Variants in SLC5A10 observed in about 807,000 individuals in gnomAD.
SLC5A10 encodes the protein sodium/mannose cotransporter SLC5A10.
Under a neutral mutation model 68.9 loss-of-function variants are expected in SLC5A10, and 55 were observed. That is an observed-to-expected ratio of 0.80 (90% CI 0.64 to 1.00). The LOEUF is 1.00. SLC5A10 is among the 50% of genes least tolerant of loss of function. The pLI is 0.00. For synonymous variants in SLC5A10, 344 were observed against 344.8 expected, an observed-to-expected ratio of 1.00 and a Z score of 0.02; for missense variants, 732 against 819.3, an observed-to-expected ratio of 0.89 and a Z score of 1.30.
chr17:18,971,445 G>C lies in SLC5A10; in HGVS notation c.846+227G>C. The C allele has an allele frequency of 6.2e-7, 1 of 1,613,898 alleles. No homozygotes were observed. Among genetic ancestry groups the C allele is most frequent in the East Asian group, 2.2e-5 (1 of 44,880 alleles). On this transcript the variant is annotated intron_variant, in intron 8 of 14. Coordinates refer to ENST00000395645, the MANE Select transcript of SLC5A10 (RefSeq NM_001042450.4). This position sits in a 1 kb window ranked among gnomAD's most constrained non-coding sequence, Gnocchi z 5.5. ...TGGCTACCGCCCGTCCTGGCCTTTA[G>C]GTGCTTCGACTGAGACAGTTTGGAG...
rs780578017 is a variant in SLC5A10, at chr17:19,022,067, G to A, written c.*1636G>A. The A allele has an allele frequency of 5.7e-6, 9 of 1,592,694 alleles. No homozygotes were observed. The Admixed American group carries it at 7.0e-5, about 12-fold the overall frequency. On this transcript the variant is annotated 3_prime_UTR_variant, in exon 15 of 15. Coordinates refer to ENST00000395645, the MANE Select transcript of SLC5A10 (RefSeq NM_001042450.4). ...GGCGCTCCAGGACCTCAATGATGTC[G>A]CCACGGCGGAAGCTGAGCTGCGAGG...
intron 9 of SLC5A10, chr17:18,979,189 C>T (rs751107470): frequency 9.3e-5 from 44 of 473,850 alleles, no homozygotes; most frequent in Admixed American, 2.5e-4. Context: ...CTGCCACCAA[C>T]CCCCATGTAA....
At chr17:18,974,977 C>G (rs957308458) in intron 8 of SLC5A10, among the ~76,000 whole-genome samples, 9 of 152,196 alleles carry the variant, frequency 5.9e-5, no homozygotes, top group African/African-American at 2.2e-4. Context: ...GGGGGACTGG[C>G]AGGCCTCACA....
In SLC5A10 at chr17:19,015,036, C is replaced by A. The variant is rs201226902; in HGVS notation, c.1091-13C>A. 1 of 1,610,460 alleles carries A rather than the reference C, an allele frequency of 6.2e-7. No individual in the cohort carries two copies. On this transcript the variant is annotated splice_polypyrimidine_tract_variant and intron_variant, in intron 10 of 14. Transcript: ENST00000395645. ...AGGCCGGACAGGGTCACACATCCCC[C>A]GTCCCACCCCAGGTCTGCGGGGGCT...
Position 19,018,154 on chromosome 17 carries a change from G to A in SLC5A10, c.1242-1269G>A, listed in dbSNP as rs148451217. On this transcript the variant is annotated intron_variant, in intron 11 of 14. Transcript: ENST00000395645. This position sits in a 1 kb window ranked among gnomAD's most constrained non-coding sequence, Gnocchi z 4.2. ...AGGCCTAGAAGGGAAGAAAGGGAGG[G>A]AGGAAGGCGGACAGGCGCTGAGAGG... is the stretch of plus-strand genomic sequence containing the variant. 1 of 152,380 alleles carries A rather than the reference G, an allele frequency of 6.6e-6. No homozygotes were observed. The highest frequency in any genetic ancestry group is 1.5e-5 in the Non-Finnish European group (1 of 68,068). The allele number at this position is 152,380 out of a possible 1,614,324, so 9.4% of individuals were successfully genotyped here.
rs77879646 is a variant in SLC5A10 at position 19,013,265 on chromosome 17, A to G, written c.983-145A>G. 614 of 1,359,046 alleles carry G rather than the reference A, an allele frequency of 4.5e-4. 2 individuals are homozygous for G. In the African/African-American group the frequency reaches 8.8e-3, roughly 19 times the overall value. 84.2% of individuals were successfully genotyped at this position (1,359,046 alleles called of 1,614,324 possible). ...TGCCCTCCCTGTGGCTCAGATTGTG[A>G]AACTGAGGCCCAAGGCCAAATGGTA... is the stretch of plus-strand genomic sequence containing the variant. On this transcript the variant is annotated intron_variant, in intron 9 of 14. Coordinates refer to ENST00000395645, the MANE Select transcript of SLC5A10 (RefSeq NM_001042450.4).
At chr17:19,010,442 C>G (rs2043989757) in intron 9 of SLC5A10, among the ~76,000 whole-genome samples, 1 of 152,154 alleles carries the variant, frequency 6.6e-6, no homozygotes, top group African/African-American at 2.4e-5. Context: ...TCACTGCCCC[C>G]AGCTCTGCCT....
At chr17:18,979,762 G>A in intron 9 of SLC5A10, 1 of 1,490,424 alleles carries the variant, frequency 6.7e-7, no homozygotes, top group Non-Finnish European at 9.2e-7. Flanking sequence ...AGGGCTCAGA[G>A]GGGACTCTGG....
At chr17:19,014,941 G>A in intron 10 of SLC5A10, 108 bp from the exon 11 acceptor site, 1 of 1,349,722 alleles carries the variant, frequency 7.4e-7, no homozygotes, top group Non-Finnish European at 1.0e-6. Context: ...CTGCCTTGGA[G>A]GAGCATGCAA....
rs772468372 is a variant in SLC5A10 at position 19,019,919 on chromosome 17, G to A, written c.1617G>A (p.Gln539=). 1 of 1,605,714 alleles carries A rather than the reference G, an allele frequency of 6.2e-7. No homozygotes were observed. The highest frequency in any genetic ancestry group is 1.1e-5 in the South Asian group (1 of 89,976). The change falls in exon 13 of 15, where the codon CAG becomes CAA. Residue 539 remains glutamine, a synonymous_variant. Coordinates refer to ENST00000395645, the MANE Select transcript of SLC5A10 (RefSeq NM_001042450.4). ...VAGSLLTPPP[Q]SVQIENLTWW... ...GAAGCCTGCTGACCCCACCCCCACA[G>A]AGTGTCCAGGTGAGCCAGCCCTGAC...
In SLC5A10 at chr17:19,003,979, G is replaced by A. The variant is rs775851868; in HGVS notation, c.983-9431G>A. The A allele has an allele frequency of 1.2e-5, 20 of 1,612,428 alleles. No homozygotes were observed. The East Asian group carries it at 3.3e-4, about 27-fold the overall frequency. On this transcript the variant is annotated intron_variant, in intron 9 of 14. Transcript: ENST00000395645. This position sits in a 1 kb window ranked among gnomAD's most constrained non-coding sequence, Gnocchi z 4.5. ...CCTCGCTGTAGAAGAACTCAGGCTT[G>A]GACTCGCTGGAGCGCCAGTTCACAT...
Position 18,971,632 on chromosome 17 carries a change from G to A in SLC5A10, c.846+414G>A, listed in dbSNP as rs200181954. The A allele has an allele frequency of 1.2e-4, 194 of 1,613,476 alleles. No homozygotes were observed. Among genetic ancestry groups the A allele is most frequent in the African/African-American group, 6.8e-4 (51 of 75,044 alleles). The stretch of plus-strand genomic sequence containing the variant: ...GGGGGCCAGCCATGGCTGGGCCAGC[G>A]TTTCTGGTAGAGCTCTGGACGCTGT... On this transcript the variant is annotated intron_variant, in intron 8 of 14. Coordinates refer to ENST00000395645, the MANE Select transcript of SLC5A10 (RefSeq NM_001042450.4). This position sits in a 1 kb window ranked among gnomAD's most constrained non-coding sequence, Gnocchi z 5.5.
intron 9 of SLC5A10, among the ~76,000 whole-genome samples, chr17:18,994,982 A>T (rs999457358): frequency 1.3e-5 from 2 of 152,238 alleles, no homozygotes; most frequent in African/African-American, 4.8e-5. Flanking sequence ...ATAAAGCTTG[A>T]CAGGAAGCCA....
At chr17:19,019,179 A>G (rs61125125) in intron 11 of SLC5A10, 31,497 of 522,812 alleles carry the variant, frequency 0.06, 2,417 homozygotes, top group African/African-American at 0.25. Context: ...ACCCCAGGGC[A>G]GGGAAGGAGC....
At chr17:18,997,603 A>G (rs557404862) in intron 9 of SLC5A10, among the ~76,000 whole-genome samples, 69 of 152,374 alleles carry the variant, frequency 4.5e-4, no homozygotes, top group African/African-American at 1.6e-3. Context: ...AATGCCCCAG[A>G]AAGCCTGGCT....
rs890110669 is a variant in SLC5A10, at chr17:19,020,526, C to T, written c.*95C>T. The T allele has an allele frequency of 8.2e-7, 1 of 1,213,618 alleles. No individual in the cohort carries two copies. Among genetic ancestry groups the T allele is most frequent in the African/African-American group, 1.5e-5 (1 of 66,870 alleles). 75.2% of individuals were successfully genotyped at this position (1,213,618 alleles called of 1,614,324 possible). A position where few individuals can be genotyped will look rare whatever the true frequency, so the allele number is the denominator to read the frequency against. ...CCGAGGCCCCAAGAGGGGCAGATTCCCCTCACAGCTGCACAGCAGCTCGGT... is the reference window on the plus strand; with the variant it reads ...CCGAGGCCCCAAGAGGGGCAGATTCTCCTCACAGCTGCACAGCAGCTCGGT... On this transcript the variant is annotated 3_prime_UTR_variant, in exon 15 of 15. Coordinates refer to ENST00000395645, the MANE Select transcript of SLC5A10 (RefSeq NM_001042450.4).
chr17:18,977,156 T>C, intron 9 of SLC5A10, 167 bp downstream of exon 9: 1 of 917,330 alleles, frequency 1.1e-6, no homozygotes, highest in Non-Finnish European at 1.6e-6. Flanking sequence ...GGGATTAACA[T>C]GGATGTGGCT....
chr17:18,978,745 T>A, intron 9 of SLC5A10: 1 of 1,612,842 alleles, frequency 6.2e-7, no homozygotes, highest in Non-Finnish European at 8.5e-7. Context: ...TCACACTGTG[T>A]GACATGAGGT....
Position 19,022,513 on chromosome 17 carries a change from T to G in SLC5A10, c.*2082T>G, listed in dbSNP as rs1407440506. 3.2e-5 allele frequency: 7 copies of G among 220,842 alleles called. No homozygotes were observed. Among genetic ancestry groups the G allele is most frequent in the Admixed American group, 1.7e-4 (3 of 17,248 alleles). 13.7% of individuals were successfully genotyped at this position (220,842 alleles called of 1,614,324 possible). On this transcript the variant is annotated 3_prime_UTR_variant, in exon 15 of 15. Transcript: ENST00000395645. The stretch of plus-strand genomic sequence containing the variant: ...TGCAGCAGCCATGGTAGCTTTTGAC[T>G]CCAGGCCACAAAGCCATGAGAATGG...
Sources: gnomAD v4.1 joint callset for allele counts (sites outside exome capture counted in the v4.1 genomes callset) on GRCh38, gnomAD v4.1.1 for gene constraint, Gnocchi (gnomAD v3.1) non-coding constraint, MANE v1.5 for transcripts, NCBI Gene and HGNC (gene_info 2026-07-23, HGNC 2026-07-21) for gene names.